The following TTLL10 variants were observed in gnomAD, a reference collection of about 807,000 sequenced individuals.
The protein encoded by TTLL10 is inactive polyglycylase TTLL10.
TTLL10 carries 61 observed loss-of-function variants against 69.0 expected under a neutral mutation model. That is an observed-to-expected ratio of 0.88 (90% CI 0.72 to 1.09). The LOEUF is 1.09. TTLL10 is among the 50% of genes least tolerant of loss of function. TTLL10 has a pLI of 0.00. For synonymous variants in TTLL10, 408 were observed against 393.3 expected (o/e 1.04, Z -0.44); for missense variants, 962 against 945.9 (o/e 1.02, Z -0.22).
rs1435682203 is a variant in TTLL10 at position 1,181,522 on chromosome 1, G to A, written c.756-219G>A. Reference sequence around the variant, plus strand: ...CCTCCATCTGCACCCCCCGCCCCTGGTTGCCTGTGACACCAGCTTTACACC... The same window carrying A: ...CCTCCATCTGCACCCCCCGCCCCTGATTGCCTGTGACACCAGCTTTACACC... On this transcript the variant is annotated intron_variant, in intron 8 of 15. Coordinates refer to ENST00000379289, the MANE Select transcript of TTLL10 (RefSeq NM_001130045.2). The surrounding 1 kb of genome is among the most constrained non-coding windows in gnomAD (Gnocchi z 4.6). 1.3e-5 allele frequency among the ~76,000 whole-genome samples: 2 copies of A among 151,988 alleles called. No individual in the cohort carries two copies.
chr1:1,179,091 T>G (rs1646958761), intron 3 of TTLL10, 98 bp from the exon 4 acceptor site: 2 of 804,412 alleles, frequency 2.5e-6, no homozygotes, highest in Non-Finnish European at 3.9e-6. Context: ...CGCCCTTTCC[T>G]GGGCAGGGTG....
chr1:1,184,058 T>C lies in TTLL10; in HGVS notation c.1227T>C (p.His409=), dbSNP rs113600447. 1.9e-6 allele frequency: 3 copies of C among 1,614,164 alleles called. No homozygotes were observed. Among genetic ancestry groups the C allele is most frequent in the African/African-American group, 2.7e-5 (2 of 75,044 alleles). The change falls in exon 12 of 16, where the codon CAT becomes CAC. Residue 409 remains histidine (H), a synonymous_variant. Coordinates refer to ENST00000379289, the MANE Select transcript of TTLL10 (RefSeq NM_001130045.2). ...ARLTLSLYDP[H]SSDLGGHLTN... ...TCACCCTTAGCCTTTACGACCCCCA[T>C]TCCAGCGACCTCGGCGGCCACTTGA...
rs528457589 is a variant in TTLL10 at position 1,185,330 on chromosome 1, G to A, written c.1401+221G>A. 80 of 1,385,970 alleles carry A rather than the reference G, an allele frequency of 5.8e-5. No individual in the cohort carries two copies. In the Middle Eastern group the frequency reaches 8.0e-4, roughly 14 times the overall value. The allele number at this position is 1,385,970 out of a possible 1,614,324, so 85.9% of individuals were successfully genotyped here. The stretch of plus-strand genomic sequence containing the variant: ...AAAGGCCCGGACGGAAAGCCCAGTC[G>A]GGGGTCTGTCGGCACGAGTCCCGCG... On this transcript the variant is annotated intron_variant, in intron 13 of 15. Transcript: ENST00000379289. This position sits in a 1 kb window ranked among gnomAD's most constrained non-coding sequence, Gnocchi z 6.1.
At chr1:1,175,950 C>T (rs924401061) in intron 3 of TTLL10, 1 of 439,708 alleles carries the variant, frequency 2.3e-6, no homozygotes, top group Non-Finnish European at 4.5e-6. Flanking sequence ...GAGGCTGACG[C>T]TGTGCAGGTG....
intron 3 of TTLL10, among the ~76,000 whole-genome samples, chr1:1,177,860 G>T (rs1172261201): frequency 6.6e-6 from 1 of 152,196 alleles, no homozygotes; most frequent in Non-Finnish European, 1.5e-5. Context: ...GTGGGGAGGG[G>T]TCTCAGGGCT....
chr1:1,191,001 G>A (rs1258665962), intron 13 of TTLL10, among the ~76,000 whole-genome samples: 1 of 151,952 alleles, frequency 6.6e-6, no homozygotes, highest in African/African-American at 2.4e-5. Flanking sequence ...AATTTTGTTT[G>A]TATTATTAGT....
chr1:1,174,632 A>G (rs1646823593), intron 3 of TTLL10, 143 bp downstream of exon 3: 1 of 152,106 alleles, frequency 6.6e-6, no homozygotes, highest in Non-Finnish European at 1.5e-5. Flanking sequence ...GCTATAAAGG[A>G]CACGTCAGTC....
At chr1:1,182,532 C>T in intron 10 of TTLL10, 86 bp downstream of exon 10, 1 of 1,422,158 alleles carries the variant, frequency 7.0e-7, no homozygotes, top group Non-Finnish European at 9.9e-7. Context: ...GAGGGCAGGG[C>T]TGGGTCTGGA....
rs750368929 is a variant in TTLL10, at chr1:1,180,843, G to T, written c.738G>T (p.Pro246=). Residue 246 remains proline, a synonymous_variant, in exon 8 of 16, where the codon CCG becomes CCT. Coordinates refer to ENST00000379289, the MANE Select transcript of TTLL10 (RefSeq NM_001130045.2). ...ARAMSKASKV[P]GGVQARLEKD... is the part of the protein sequence containing the mutation. ...CCATGAGCAAGGCCAGCAAGGTGCCGGGGGGGGTCCAGGCCAGGTGAGTCT... is the reference window on the plus strand; with the variant it reads ...CCATGAGCAAGGCCAGCAAGGTGCCTGGGGGGGTCCAGGCCAGGTGAGTCT... 3.2e-6 allele frequency: 5 copies of T among 1,564,348 alleles called. No individual in the cohort carries two copies. The East Asian group carries it at 1.2e-4, about 38-fold the overall frequency.
intron 3 of TTLL10, chr1:1,175,106 ACTT>A (rs1646833702): frequency 1.3e-5 from 2 of 157,820 alleles, no homozygotes; most frequent in African/African-American, 4.8e-5. Flanking sequence ...ACAGAGTGAG[ACTT>A]CGTCTAAAAA....
chr1:1,183,748 C>T (rs531672137), intron 11 of TTLL10, among the ~76,000 whole-genome samples, 172 bp from the exon 12 acceptor site: 2 of 152,356 alleles, frequency 1.3e-5, no homozygotes, highest in Admixed American at 6.5e-5. Flanking sequence ...GGCCTTTCCT[C>T]CCAATTCCCC....
chr1:1,174,393 C>T (rs1646818632), intron 2 of TTLL10, 31 bp from the exon 3 acceptor site: 1 of 152,672 alleles, frequency 6.5e-6, no homozygotes, highest in Non-Finnish European at 1.5e-5. Flanking sequence ...AGGACACTAA[C>T]ATGTGGTCGC....
Position 1,185,081 on chromosome 1 carries a change from C to T in TTLL10, c.1373C>T (p.Ala458Val). Residue 458 changes from alanine to valine, a missense_variant, in exon 13 of 16, where the codon GCC becomes GTC. Physicochemically the swap from Ala to Val is moderately conservative, Grantham distance 64 (BLOSUM62 0). Coordinates refer to ENST00000379289, the MANE Select transcript of TTLL10 (RefSeq NM_001130045.2). The surrounding 1 kb of genome is among the most constrained non-coding windows in gnomAD (Gnocchi z 6.1). ...ACGTTCTGGAAGGCCCGGGGCCTCG[C>T]CAAGGACTGGGTCTTCACCACCCTC... is the stretch of plus-strand genomic sequence containing the variant. The part of the protein sequence containing the change: ...SDTFWKARGL[A>V]KDWVFTTLKK... The T allele has an allele frequency of 6.2e-7, 1 of 1,614,042 alleles. No homozygotes were observed. Among genetic ancestry groups the T allele is most frequent in the Admixed American group, 1.7e-5 (1 of 60,002 alleles).
chr1:1,178,557 G>A lies in TTLL10; in HGVS notation c.-27-632G>A, dbSNP rs559530618. 1.5e-4 allele frequency among the ~76,000 whole-genome samples: 23 copies of A among 148,690 alleles called. No homozygotes were observed. In the South Asian group the frequency reaches 1.7e-3, roughly 11 times the overall value. ...GCCTGGGCCACAAGAATGAAGCTCCGTCTCAAAAAAAAAAAAAAAGTTCTC... is the reference window on the plus strand; with the variant it reads ...GCCTGGGCCACAAGAATGAAGCTCCATCTCAAAAAAAAAAAAAAAGTTCTC... On this transcript the variant is annotated intron_variant, in intron 3 of 15. Coordinates refer to ENST00000379289, the MANE Select transcript of TTLL10 (RefSeq NM_001130045.2).
intron 15 of TTLL10, 70 bp downstream of exon 15, chr1:1,197,256 C>T (rs1331096957): frequency 6.9e-7 from 1 of 1,440,350 alleles, no homozygotes; most frequent in African/African-American, 1.4e-5. Context: ...TGCCCTCTTC[C>T]CAAGTTCAGA....
chr1:1,179,974 T>A, intron 5 of TTLL10, 60 bp from the exon 6 acceptor site: 1 of 1,459,118 alleles, frequency 6.9e-7, no homozygotes, highest in Non-Finnish European at 9.0e-7. Flanking sequence ...GGCTGAGCCA[T>A]GTCCGGGCTG....
chr1:1,177,940 G>A (rs1646925175), intron 3 of TTLL10, among the ~76,000 whole-genome samples: 2 of 152,188 alleles, frequency 1.3e-5, no homozygotes, highest in Admixed American at 6.5e-5. Flanking sequence ...ACACAGGTGG[G>A]GGGCCCAGCC....
intron 3 of TTLL10, among the ~76,000 whole-genome samples, chr1:1,177,628 C>T (rs1199618660): frequency 6.6e-6 from 1 of 152,204 alleles, no homozygotes; most frequent in Admixed American, 6.5e-5. Context: ...TGTCACTCTT[C>T]TTCACACTTG....
intron 13 of TTLL10, among the ~76,000 whole-genome samples, chr1:1,187,413 T>C (rs1194334865): frequency 6.6e-6 from 1 of 152,134 alleles, no homozygotes; most frequent in African/African-American, 2.4e-5. Context: ...TTAGATCACC[T>C]GAGGTCAGGA....
Sources: allele counts gnomAD v4.1 joint callset (sites outside exome capture counted in the v4.1 genomes callset), GRCh38; gene constraint gnomAD v4.1.1; non-coding constraint Gnocchi (gnomAD v3.1); transcripts MANE v1.5; gene names NCBI Gene and HGNC (gene_info 2026-07-23, HGNC 2026-07-21).